The following MAP3K5 variants were observed in gnomAD, a reference collection of about 807,000 sequenced individuals.
MAP3K5 encodes mitogen-activated protein kinase kinase kinase 5.
MAP3K5 carries 56 observed loss-of-function variants against 158.7 expected under a neutral mutation model. The observed-to-expected ratio is 0.35, with a 90% CI of 0.28 to 0.44. The LOEUF is 0.44. MAP3K5 is among the 20% of genes least tolerant of loss of function. MAP3K5 has a pLI of 1.00. For synonymous variants in MAP3K5, 579 were observed against 601.7 expected, an observed-to-expected ratio of 0.96 and a Z score of 0.55; for missense variants, 1,294 against 1,674.8, an observed-to-expected ratio of 0.77 and a Z score of 3.97.
rs181613147 is a variant in MAP3K5 at position 136,744,060 on chromosome 6, C to T, written c.449-23471G>A. The stretch of plus-strand genomic sequence containing the variant: ...AGATTTTTAGGGCAGTGCAACTATG[C>T]TGTACAATATACTACTATAATTGTG... On this transcript the variant is annotated intron_variant, in intron 1 of 29. Coordinates refer to ENST00000359015, the MANE Select transcript of MAP3K5 (RefSeq NM_005923.4). Among the ~76,000 whole-genome samples the T allele has an allele frequency of 2.6e-3, 398 of 152,254 alleles. 2 individuals carry two copies. Among genetic ancestry groups the T allele is most frequent in the African/African-American group, 9.1e-3 (377 of 41,528 alleles).
intron 11 of MAP3K5, among the ~76,000 whole-genome samples, chr6:136,647,205 T>C (rs548518530): frequency 1.3e-5 from 2 of 152,186 alleles, no homozygotes; most frequent in South Asian, 4.1e-4. Flanking sequence ...AGAAATCAAA[T>C]GTCAAGACCA....
At chr6:136,710,729 G>A (rs1268145680) in intron 2 of MAP3K5, among the ~76,000 whole-genome samples, 1 of 152,088 alleles carries the variant, frequency 6.6e-6, no homozygotes, top group African/African-American at 2.4e-5. Flanking sequence ...TAGGAACCAG[G>A]ATTTCACCTT....
chr6:136,629,599 T>C (rs1241690378), intron 14 of MAP3K5, among the ~76,000 whole-genome samples: 7 of 149,432 alleles, frequency 4.7e-5, no homozygotes, highest in African/African-American at 9.9e-5. Flanking sequence ...GGACTACAGG[T>C]GCCCGCCACC....
At chr6:136,696,142 T>C in intron 5 of MAP3K5, 85 bp from the exon 6 acceptor site, 1 of 721,344 alleles carries the variant, frequency 1.4e-6, no homozygotes, top group African/African-American at 1.8e-5. Flanking sequence ...ACCAGATATC[T>C]GAATTCAAGA....
rs764985309 is a variant in MAP3K5, at chr6:136,562,491, T to C, written c.3874+12A>G. On this transcript the variant is annotated intron_variant, in intron 27 of 29. Coordinates refer to ENST00000359015, the MANE Select transcript of MAP3K5 (RefSeq NM_005923.4). ...GCTGAACAGTATTACTATAAAACTT[T>C]CTGCTATTCACCTATGGGTTGGGAC... 1.1e-5 allele frequency: 15 copies of C among 1,428,540 alleles called. No individual in the cohort carries two copies. Among genetic ancestry groups the C allele is most frequent in the East Asian group, 7.4e-5 (3 of 40,278 alleles). 88.5% of individuals were successfully genotyped at this position (1,428,540 alleles called of 1,614,324 possible). A position where few individuals can be genotyped will look rare whatever the true frequency, so the allele number is the denominator to read the frequency against.
intron 1 of MAP3K5, among the ~76,000 whole-genome samples, chr6:136,785,343 A>C (rs1016502315): frequency 5.3e-5 from 8 of 152,252 alleles, no homozygotes; most frequent in African/African-American, 1.9e-4. Flanking sequence ...ACCATGGATG[A>C]GAATAGAAAA....
Position 136,779,438 on chromosome 6 carries a change from G to A in MAP3K5, c.448+12272C>T, listed in dbSNP as rs536872219. Among the ~76,000 whole-genome samples the A allele has an allele frequency of 2.2e-4, 19 of 87,086 alleles. 1 individual carries two copies. Among genetic ancestry groups the A allele is most frequent in the African/African-American group, 9.0e-4 (18 of 19,894 alleles). The allele number at this position is 87,086 out of a possible 152,430, so 57.1% of individuals were successfully genotyped here. On this transcript the variant is annotated intron_variant, in intron 1 of 29. Coordinates refer to ENST00000359015, the MANE Select transcript of MAP3K5 (RefSeq NM_005923.4). The stretch of plus-strand genomic sequence containing the variant: ...AGCCTGGGCAACAGAGTGACACCCT[G>A]TCTCAAAAAAAAAAAAAAAAAAAGA...
At chr6:136,777,604 T>A (rs372440669) in intron 1 of MAP3K5, among the ~76,000 whole-genome samples, 1 of 152,206 alleles carries the variant, frequency 6.6e-6, no homozygotes, top group Non-Finnish European at 1.5e-5. Flanking sequence ...AAATGTTACA[T>A]AAATGTTTAA....
At chr6:136,716,553 C>T (rs1781537090) in intron 2 of MAP3K5, among the ~76,000 whole-genome samples, 1 of 152,018 alleles carries the variant, frequency 6.6e-6, no homozygotes, top group Non-Finnish European at 1.5e-5. Context: ...AAACAACTTC[C>T]TCACTCTACA....
chr6:136,779,519 A>G (rs182512924), intron 1 of MAP3K5, among the ~76,000 whole-genome samples: 10 of 152,118 alleles, frequency 6.6e-5, no homozygotes, highest in Admixed American at 5.9e-4. Flanking sequence ...CACCTAGTAC[A>G]CAGTAATGCA....
chr6:136,697,295 C>A lies in MAP3K5; in HGVS notation c.899G>T (p.Arg300Leu), dbSNP rs1378454122. The A allele has an allele frequency of 3.7e-6, 6 of 1,613,704 alleles. No homozygotes were observed. Among genetic ancestry groups the A allele is most frequent in the African/African-American group, 1.3e-5 (1 of 74,894 alleles). ...GACTTCGATATTATCTACTCGCTGCCGAATTCTTGCCAACTCAGCTGCCAA... is the reference window on the plus strand; with the variant it reads ...GACTTCGATATTATCTACTCGCTGCAGAATTCTTGCCAACTCAGCTGCCAA... ...KELAAELARI[R>L]QRVDNIEVLT... Residue 300 changes from arginine (R) to leucine (L), a missense_variant, in exon 5 of 30, where the codon CGG becomes CTG. Coordinates refer to ENST00000359015, the MANE Select transcript of MAP3K5 (RefSeq NM_005923.4).
chr6:136,668,173 A>G (rs1402564369), intron 8 of MAP3K5, among the ~76,000 whole-genome samples: 1 of 151,444 alleles, frequency 6.6e-6, no homozygotes, highest in African/African-American at 2.4e-5. Flanking sequence ...TGAAGCCAGG[A>G]GTTCAAGACC....
chr6:136,612,029 T>C (rs1776367965), intron 17 of MAP3K5, among the ~76,000 whole-genome samples: 1 of 152,156 alleles, frequency 6.6e-6, no homozygotes, highest in Admixed American at 6.5e-5. Flanking sequence ...ACTCAACCAG[T>C]CCTGTGGCCC....
intron 14 of MAP3K5, among the ~76,000 whole-genome samples, chr6:136,626,919 A>T (rs1777064860): frequency 1.3e-5 from 2 of 152,212 alleles, no homozygotes; most frequent in Non-Finnish European, 2.9e-5. Flanking sequence ...GTTTGAAACC[A>T]GCTTGTGAGA....
chr6:136,747,136 G>GT (rs1350523574), intron 1 of MAP3K5, among the ~76,000 whole-genome samples: 1 of 152,144 alleles, frequency 6.6e-6, no homozygotes, highest in Non-Finnish European at 1.5e-5. Flanking sequence ...GCCCAGGCTG[G>GT]TTTTGAACTC....
At chr6:136,774,268 T>C (rs1413347064) in intron 1 of MAP3K5, among the ~76,000 whole-genome samples, 1 of 151,994 alleles carries the variant, frequency 6.6e-6, no homozygotes, top group Non-Finnish European at 1.5e-5. Flanking sequence ...CTAGGCAACA[T>C]GGCAAAACCC....
chr6:136,605,359 G>T lies in MAP3K5; in HGVS notation c.2529C>A (p.Leu843=), dbSNP rs1562540445. 2 of 1,610,024 alleles carry T rather than the reference G, an allele frequency of 1.2e-6. No homozygotes were observed. The highest frequency in any genetic ancestry group is 1.7e-6 in the Non-Finnish European group (2 of 1,178,746). ...NPCTETFTGT[L]QYMAPEIIDK... Reference sequence around the variant, plus strand: ...CTATTATTTCTGGTGCCATATACTGGAGGGTACCTGGAAACAATTCAAACA... The same window carrying T: ...CTATTATTTCTGGTGCCATATACTGTAGGGTACCTGGAAACAATTCAAACA... Residue 843 remains leucine, a synonymous_variant, in exon 19 of 30, where the codon CTC becomes CTA. Coordinates refer to ENST00000359015, the MANE Select transcript of MAP3K5 (RefSeq NM_005923.4).
At chr6:136,657,993 T>G (rs186391595) in intron 9 of MAP3K5, among the ~76,000 whole-genome samples, 2 of 152,358 alleles carry the variant, frequency 1.3e-5, no homozygotes, top group Non-Finnish European at 2.9e-5. Context: ...AGGATTTCAG[T>G]GCAGGAGAAG....
At chr6:136,604,183 G>A (rs1775998990) in intron 19 of MAP3K5, among the ~76,000 whole-genome samples, 1 of 152,030 alleles carries the variant, frequency 6.6e-6, no homozygotes, top group Admixed American at 6.6e-5. Flanking sequence ...TTAGCTGGGT[G>A]TCATGGTGTG....
Sources: allele counts gnomAD v4.1 joint callset (sites outside exome capture counted in the v4.1 genomes callset), GRCh38; gene constraint gnomAD v4.1.1; transcripts MANE v1.5; gene names NCBI Gene and HGNC (gene_info 2026-07-23, HGNC 2026-07-21).